Variants in WWP2 observed in about 807,000 individuals in gnomAD.
WWP2 encodes NEDD4-like E3 ubiquitin-protein ligase WWP2.
WWP2 carries 57 observed loss-of-function variants against 121.0 expected under a neutral mutation model. The ratio of observed to expected loss-of-function variants is 0.47; its 90% CI spans 0.38 to 0.59. The LOEUF (loss-of-function observed/expected upper bound fraction) is 0.59, where lower values mean the gene tolerates loss of function less well. Ranked by LOEUF, WWP2 falls within the 20% of genes least tolerant of loss-of-function variation. WWP2 has a pLI of 0.00. For missense variants in WWP2, 962 were observed against 1,158.9 expected (o/e 0.83, Z 2.47); for synonymous variants, 449 against 441.3 (o/e 1.02, Z -0.22).
chr16:69,851,177 A>ATTT (rs34470069), intron 6 of WWP2, among the ~76,000 whole-genome samples: 1 of 145,004 alleles, frequency 6.9e-6, no homozygotes, highest in Non-Finnish European at 1.5e-5. Context: ...TGCCCAGCTA[A>ATTT]TTTTTTTTTT....
At chr16:69,791,011 G>A (rs1373810243) in intron 2 of WWP2, among the ~76,000 whole-genome samples, 2 of 152,040 alleles carry the variant, frequency 1.3e-5, no homozygotes, top group Non-Finnish European at 2.9e-5. Flanking sequence ...ATATTTCTTG[G>A]AGTCTTTTGC....
chr16:69,788,844 T>G (rs947661768), intron 2 of WWP2, among the ~76,000 whole-genome samples: 1 of 152,208 alleles, frequency 6.6e-6, no homozygotes, highest in African/African-American at 2.4e-5. Flanking sequence ...CCTCAGTAAA[T>G]AGTGCCTGAA....
Position 69,813,232 on chromosome 16 carries a change from C to T in WWP2, c.340+13937C>T, listed in dbSNP as rs536461062. On this transcript the variant is annotated intron_variant, in intron 4 of 23. Coordinates refer to ENST00000359154, the MANE Select transcript of WWP2 (RefSeq NM_001270454.2). The stretch of plus-strand genomic sequence containing the variant: ...GGCTGGAGTGCAATGGCGCGATCTT[C>T]GCTCACCGCAACCTCCGCCTCCTGG... 2.0e-4 allele frequency among the ~76,000 whole-genome samples: 29 copies of T among 147,148 alleles called. No individual in the cohort carries two copies. In the South Asian group the frequency reaches 3.8e-3, roughly 19 times the overall value.
chr16:69,856,730 C>T lies in WWP2; in HGVS notation c.575+14610C>T, dbSNP rs368750070. ...TGGAGGTTGCAGTGAGCTGAGATCA[C>T]GCCACTGCACTCCAGCCTGGGTGAC... On this transcript the variant is annotated intron_variant, in intron 6 of 23. Coordinates refer to ENST00000359154, the MANE Select transcript of WWP2 (RefSeq NM_001270454.2). 2.2e-4 allele frequency among the ~76,000 whole-genome samples: 34 copies of T among 151,838 alleles called. No individual in the cohort carries two copies. The East Asian group carries it at 4.5e-3, about 20-fold the overall frequency.
At chr16:69,838,748 A>T in intron 4 of WWP2, 1 of 985,388 alleles carries the variant, frequency 1.0e-6, no homozygotes. Context: ...TTTTATAGAA[A>T]CGTTTAGTAC....
intron 4 of WWP2, among the ~76,000 whole-genome samples, chr16:69,835,656 G>A (rs2056863036): frequency 6.6e-6 from 1 of 152,042 alleles, no homozygotes; most frequent in Non-Finnish European, 1.5e-5. Context: ...TGAGCCATTT[G>A]AAGGTAAATT....
chr16:69,835,320 T>C (rs1365469931), intron 4 of WWP2, among the ~76,000 whole-genome samples: 1 of 152,214 alleles, frequency 6.6e-6, no homozygotes, highest in Non-Finnish European at 1.5e-5. Flanking sequence ...GCCTCCCCTG[T>C]ATGCTCGAAT....
intron 6 of WWP2, among the ~76,000 whole-genome samples, chr16:69,868,531 T>C (rs1457661385): frequency 6.6e-6 from 1 of 152,094 alleles, no homozygotes; most frequent in Admixed American, 6.5e-5. Flanking sequence ...GGGGTCCAGC[T>C]TGCTCCTGGG....
intron 4 of WWP2, among the ~76,000 whole-genome samples, chr16:69,829,374 G>C (rs1323471706): frequency 6.6e-6 from 1 of 152,124 alleles, no homozygotes; most frequent in East Asian, 1.9e-4. Flanking sequence ...GTGGCTCTTA[G>C]GTTACAGAAA....
At chr16:69,778,941 GGTT>G (rs2055601562) in intron 1 of WWP2, among the ~76,000 whole-genome samples, 1 of 20,710 alleles carries the variant, frequency 4.8e-5, no homozygotes, top group Admixed American at 5.5e-4. Context: ...ACACCTGGCC[GGTT>G]ATTTATTTAT....
At chr16:69,871,720 G>A in intron 6 of WWP2, 84 bp from the exon 7 acceptor site, 1 of 1,560,806 alleles carries the variant, frequency 6.4e-7, no homozygotes, top group Non-Finnish European at 8.7e-7. Flanking sequence ...GGCAGGAGAA[G>A]GGAATATGAT....
chr16:69,829,797 A>G (rs2056762578), intron 4 of WWP2, among the ~76,000 whole-genome samples: 1 of 152,132 alleles, frequency 6.6e-6, no homozygotes, highest in Non-Finnish European at 1.5e-5. Context: ...AGCAGGGACA[A>G]CGTCTGTTTC....
At chr16:69,795,237 T>C (rs2056004548) in intron 2 of WWP2, among the ~76,000 whole-genome samples, 1 of 147,738 alleles carries the variant, frequency 6.8e-6, no homozygotes, top group Non-Finnish European at 1.5e-5. Context: ...TTAATGGTTT[T>C]ACCTAGGAAA....
intron 1 of WWP2, among the ~76,000 whole-genome samples, chr16:69,764,552 G>A (rs746726177): frequency 6.6e-6 from 1 of 152,176 alleles, no homozygotes; most frequent in Non-Finnish European, 1.5e-5. Context: ...TAAGGAAAAA[G>A]ATCACACAGA....
chr16:69,921,709 A>G (rs1248489924), intron 10 of WWP2, among the ~76,000 whole-genome samples: 1 of 152,156 alleles, frequency 6.6e-6, no homozygotes, highest in Admixed American at 6.5e-5. Flanking sequence ...ACAGCCTTGC[A>G]CATTGTGCTG....
intron 4 of WWP2, among the ~76,000 whole-genome samples, chr16:69,818,254 C>A (rs1456126398): frequency 6.6e-6 from 1 of 152,006 alleles, no homozygotes; most frequent in Non-Finnish European, 1.5e-5. Context: ...GTTGCCCAGA[C>A]TGGAGTGCAG....
intron 1 of WWP2, among the ~76,000 whole-genome samples, chr16:69,780,303 T>C (rs922842539): frequency 3.3e-5 from 5 of 152,136 alleles, no homozygotes; most frequent in Non-Finnish European, 7.4e-5. Flanking sequence ...GATTTGTACA[T>C]GTGGATTAAA....
intron 4 of WWP2, among the ~76,000 whole-genome samples, chr16:69,804,759 A>T (rs1314417893): frequency 6.6e-6 from 1 of 152,120 alleles, no homozygotes; most frequent in Non-Finnish European, 1.5e-5. Flanking sequence ...GAGTCCTGTC[A>T]TATGTAAAGT....
chr16:69,931,970 C>A, intron 16 of WWP2, 80 bp downstream of exon 16: 1 of 1,319,262 alleles, frequency 7.6e-7, no homozygotes, highest in Non-Finnish European at 1.1e-6. Context: ...AGCTGCCTGC[C>A]CCCTGCTCAC....
Sources: gnomAD v4.1 joint callset for allele counts (sites outside exome capture counted in the v4.1 genomes callset) on GRCh38, gnomAD v4.1.1 for gene constraint, MANE v1.5 for transcripts, NCBI Gene and HGNC (gene_info 2026-07-23, HGNC 2026-07-21) for gene names.